UGT1A10: variants seen among roughly 807,000 people sequenced by gnomAD.
UGT1A10 encodes the protein UDP-glucuronosyltransferase 1A10.
A neutral mutation model predicts 45.8 loss-of-function variants in UGT1A10; 49 were observed. That is an observed-to-expected ratio of 1.07 (90% CI 0.85 to 1.36). The LOEUF (loss-of-function observed/expected upper bound fraction) is 1.36. Ranked by LOEUF, UGT1A10 falls within the 40% of genes most tolerant of loss-of-function variation. UGT1A10 has a pLI of 0.00. For synonymous variants in UGT1A10, 284 were observed against 249.7 expected (o/e 1.14, Z -1.29); for missense variants, 745 against 668.6 (o/e 1.11, Z -1.26).
At position 233,769,774 on chromosome 2, in the gene UGT1A10, G is replaced by C; in HGVS notation, c.1295+1335G>C. The C allele has an allele frequency of 7.3e-7, 1 of 1,375,358 alleles. No homozygotes were observed. Among genetic ancestry groups the C allele is most frequent in the Non-Finnish European group, 9.5e-7 (1 of 1,052,824 alleles). 85.2% of individuals were successfully genotyped at this position (1,375,358 alleles called of 1,614,324 possible). ...GGAGGCTAAGGCGGGAGGATTGCTT[G>C]AGCCCAGAAGTTGGAGGCTGCTATG... On this transcript the variant is annotated intron_variant, in intron 4 of 4. Transcript: ENST00000344644. This position sits in a 1 kb window ranked among gnomAD's most constrained non-coding sequence, Gnocchi z 4.4.
At chr2:233,708,191 T>G (rs2076007846) in intron 1 of UGT1A10, among the ~76,000 whole-genome samples, 1 of 152,240 alleles carries the variant, frequency 6.6e-6, no homozygotes, top group African/African-American at 2.4e-5. Context: ...CGTGCACATT[T>G]TAAATGTCAT....
intron 1 of UGT1A10, among the ~76,000 whole-genome samples, chr2:233,756,863 G>A (rs956259550): frequency 6.6e-6 from 1 of 152,072 alleles, no homozygotes; most frequent in Non-Finnish European, 1.5e-5. Flanking sequence ...GGTTCATAAA[G>A]GGTATTAGGT....
At chr2:233,759,467 C>T (rs1000519909) in intron 1 of UGT1A10, among the ~76,000 whole-genome samples, 1 of 152,186 alleles carries the variant, frequency 6.6e-6, no homozygotes, top group Non-Finnish European at 1.5e-5. Flanking sequence ...CACTCAAGAT[C>T]TATCTTACAG....
intron 1 of UGT1A10, among the ~76,000 whole-genome samples, chr2:233,675,390 T>C (rs2074319594): frequency 6.6e-6 from 1 of 152,204 alleles, no homozygotes. Context: ...CCTAGTCTTT[T>C]TGAATTTTTG....
chr2:233,713,409 C>T (rs904986481), intron 1 of UGT1A10: 5 of 1,614,030 alleles, frequency 3.1e-6, no homozygotes, highest in Non-Finnish European at 4.2e-6. Flanking sequence ...CCTGATCAGG[C>T]ACCTGCATGC....
At chr2:233,679,496 A>T (rs1477928402) in intron 1 of UGT1A10, among the ~76,000 whole-genome samples, 1 of 152,110 alleles carries the variant, frequency 6.6e-6, no homozygotes, top group East Asian at 1.9e-4. Flanking sequence ...CCTGCCTTAC[A>T]TTCTGGTGCT....
intron 1 of UGT1A10, among the ~76,000 whole-genome samples, chr2:233,686,386 C>T (rs976765081): frequency 6.6e-6 from 1 of 152,054 alleles, no homozygotes; most frequent in Non-Finnish European, 1.5e-5. Flanking sequence ...AAAGACAACT[C>T]GTGTGGGCGC....
chr2:233,748,167 T>A, intron 1 of UGT1A10: 1 of 1,593,478 alleles, frequency 6.3e-7, no homozygotes, highest in Non-Finnish European at 8.5e-7. Context: ...CCATATCTAC[T>A]TATCTTTCTG....
intron 1 of UGT1A10, among the ~76,000 whole-genome samples, chr2:233,702,877 C>G (rs7420193): frequency 0.12 from 18,416 of 152,098 alleles, 1,310 homozygotes; most frequent in South Asian, 0.2. Context: ...TTATTGAGGA[C>G]TTTTGCATCA....
chr2:233,676,038 T>G (rs1166696549), intron 1 of UGT1A10, among the ~76,000 whole-genome samples: 1 of 152,202 alleles, frequency 6.6e-6, no homozygotes, highest in African/African-American at 2.4e-5. Flanking sequence ...TATACATCCT[T>G]GGCCAATTGA....
rs370521900 is a variant in UGT1A10 at position 233,642,997 on chromosome 2, A to T, written c.855+5620A>T. On this transcript the variant is annotated intron_variant, in intron 1 of 4. Coordinates refer to ENST00000344644, the MANE Select transcript of UGT1A10 (RefSeq NM_019075.4). ...CACCACTATGACTGTGCTGGATCAGACCTGAAACCAGCACAGCTCTGGGTC... is the reference window on the plus strand; with the variant it reads ...CACCACTATGACTGTGCTGGATCAGTCCTGAAACCAGCACAGCTCTGGGTC... Among the ~76,000 whole-genome samples, 11 of 152,238 alleles carry T rather than the reference A, an allele frequency of 7.2e-5. 1 individual carries two copies. Among genetic ancestry groups the T allele is most frequent in the South Asian group, 2.1e-4 (1 of 4,824 alleles).
chr2:233,646,290 C>T (rs1471853926), intron 1 of UGT1A10, among the ~76,000 whole-genome samples: 1 of 152,218 alleles, frequency 6.6e-6, no homozygotes, highest in African/African-American at 2.4e-5. Flanking sequence ...GGAGGGACTG[C>T]TGTGAAGACC....
intron 1 of UGT1A10, among the ~76,000 whole-genome samples, chr2:233,727,349 G>GT (rs760245596): frequency 1.3e-5 from 2 of 152,230 alleles, no homozygotes; most frequent in Non-Finnish European, 2.9e-5. Context: ...CCATAGTTCT[G>GT]CTATCCTTAG....
At chr2:233,690,531 T>C (rs1371905624) in intron 1 of UGT1A10, 2 of 1,289,774 alleles carry the variant, frequency 1.6e-6, no homozygotes, top group African/African-American at 1.5e-5. Flanking sequence ...ATCTACTTCT[T>C]TCACCCCACT....
Position 233,748,487 on chromosome 2 carries a change from A to G in UGT1A10, c.856-18547A>G, listed in dbSNP as rs58741345. 1.8e-3 allele frequency among the ~76,000 whole-genome samples: 274 copies of G among 151,976 alleles called. 7 individuals carry two copies. The highest frequency in any genetic ancestry group is 6.4e-3 in the African/African-American group (263 of 41,268). On this transcript the variant is annotated intron_variant, in intron 1 of 4. Transcript: ENST00000344644. ...ATGCAACAGCAAATTACAATTGTTAATGTGATAATTTTTAGTGGTCCTGTC... is the reference window on the plus strand; with the variant it reads ...ATGCAACAGCAAATTACAATTGTTAGTGTGATAATTTTTAGTGGTCCTGTC...
At chr2:233,652,404 T>A (rs1368481920) in intron 1 of UGT1A10, among the ~76,000 whole-genome samples, 1 of 152,260 alleles carries the variant, frequency 6.6e-6, no homozygotes, top group African/African-American at 2.4e-5. Flanking sequence ...TTGTTCTTTT[T>A]TTAAAAATAA....
chr2:233,717,709 C>T (rs1575518091), intron 1 of UGT1A10: 13 of 452,360 alleles, frequency 2.9e-5, no homozygotes, highest in East Asian at 1.4e-4. Context: ...GCAGGACGAG[C>T]CTCATGGGCA....
intron 1 of UGT1A10, among the ~76,000 whole-genome samples, chr2:233,716,269 C>G (rs1283038441): frequency 1.3e-5 from 2 of 152,168 alleles, no homozygotes; most frequent in Non-Finnish European, 2.9e-5. Flanking sequence ...CTCCCCATGT[C>G]AAAACCCTTA....
chr2:233,751,060 C>T (rs1694630836), intron 1 of UGT1A10, among the ~76,000 whole-genome samples: 1 of 151,896 alleles, frequency 6.6e-6, no homozygotes, highest in South Asian at 2.1e-4. Flanking sequence ...GACACAGACA[C>T]TCAATGCCAG....
Sources: gnomAD v4.1 joint callset for allele counts (sites outside exome capture counted in the v4.1 genomes callset) on GRCh38, gnomAD v4.1.1 for gene constraint, Gnocchi (gnomAD v3.1) non-coding constraint, MANE v1.5 for transcripts, NCBI Gene and HGNC (gene_info 2026-07-23, HGNC 2026-07-21) for gene names.